Variants in RFC5 observed in about 807,000 individuals in gnomAD.
RFC5 encodes replication factor C subunit 5, also known as A1 36 kDa subunit.
A neutral mutation model predicts 44.3 loss-of-function variants in RFC5; 26 were observed. The observed-to-expected ratio is 0.59, with a 90% confidence interval of 0.43 to 0.81. The LOEUF (loss-of-function observed/expected upper bound fraction) is 0.81. Among genes scored for constraint, RFC5 ranks in the 40% least tolerant of loss-of-function variants. RFC5 has a pLI of 0.00. For synonymous variants in RFC5, 155 were observed against 155.2 expected (o/e 1.00, Z 0.01); for missense variants, 328 against 418.6 (o/e 0.78, Z 1.89).
In RFC5 at chr12:118,019,005, G is replaced by A; in HGVS notation, c.66-67G>A. ...TGAGCCACTGTGCCTGACCTGCAAG[G>A]ATTCTTTTGCACATAAAATATTCTT... On this transcript the variant is annotated intron_variant, in intron 1 of 10. Transcript: ENST00000454402. The surrounding 1 kb of genome is among the most constrained non-coding windows in gnomAD (Gnocchi z 4.2). 8.1e-7 allele frequency: 1 copy of A among 1,231,868 alleles called. No homozygotes were observed. Among genetic ancestry groups the A allele is most frequent in the Admixed American group, 1.7e-5 (1 of 59,014 alleles). The allele number at this position is 1,231,868 out of a possible 1,614,324, so 76.3% of individuals were successfully genotyped here.
chr12:118,038,460 G>A, the RFC5 span: 1 of 1,459,950 alleles, frequency 6.8e-7, no homozygotes, highest in Non-Finnish European at 9.5e-7. Context: ...GGGAGAACTG[G>A]GGTGGTAACA....
chr12:118,022,378 G>A lies in RFC5; in HGVS notation c.421+19G>A. 6.4e-7 allele frequency: 1 copy of A among 1,571,600 alleles called. No individual in the cohort carries two copies. ...AGAAGAGGTAAGCAGAGGCACTGTG[G>A]AGCGTTTGGGCTGGTGTGCACACTG... is the stretch of plus-strand genomic sequence containing the variant. On this transcript the variant is annotated intron_variant, in intron 5 of 10. Transcript: ENST00000454402.
At chr12:118,029,347 G>T (rs561262956) in intron 9 of RFC5, among the ~76,000 whole-genome samples, 15 of 152,292 alleles carry the variant, frequency 9.8e-5, no homozygotes, top group African/African-American at 3.6e-4. Flanking sequence ...AAGCCCAAGA[G>T]GTCAAGGCTG....
At chr12:118,024,332 C>T (rs1028774465) in intron 5 of RFC5, among the ~76,000 whole-genome samples, 4 of 148,572 alleles carry the variant, frequency 2.7e-5, no homozygotes, top group African/African-American at 9.9e-5. Context: ...CAGAGCGAGA[C>T]TCTGTTTCAA....
chr12:118,023,751 T>C, intron 5 of RFC5, among the ~76,000 whole-genome samples: 1 of 150,482 alleles, frequency 6.6e-6, no homozygotes, highest in African/African-American at 2.4e-5. Flanking sequence ...CCGCCCTCCC[T>C]GCCCATAGAA....
At chr12:118,036,295 C>T, downstream of RFC5, 1 of 1,591,052 alleles carries the variant, frequency 6.3e-7, no homozygotes, top group Non-Finnish European at 8.6e-7. Flanking sequence ...GGTTCCTCAT[C>T]AGTCCCCCCA....
At chr12:118,022,199 G>A (rs1172446395) in intron 4 of RFC5, 87 bp from the exon 5 acceptor site, 7 of 1,071,386 alleles carry the variant, frequency 6.5e-6, no homozygotes, top group East Asian at 2.4e-5. Context: ...GACAGGGCCC[G>A]ATGGCACAAT....
At chr12:118,038,335 T>C in the RFC5 span, 3 of 1,613,940 alleles carry the variant, frequency 1.9e-6, no homozygotes, top group South Asian at 2.2e-5. Flanking sequence ...TCTGGGGAGA[T>C]GGAACAGCAG....
rs563284021 is a variant in RFC5 at position 118,021,640 on chromosome 12, T to TA, written c.348-633dup. On this transcript the variant is annotated intron_variant, in intron 4 of 10. Coordinates refer to ENST00000454402, the MANE Select transcript of RFC5 (RefSeq NM_007370.7). ...CAGGAAGGACAACTAGGATGGTGGCTAAAAAAAAAAAAAGAAAGAAAGAAA... is the reference window on the plus strand; with the variant it reads ...CAGGAAGGACAACTAGGATGGTGGCTAAAAAAAAAAAAAAGAAAGAAAGAAA... Among the ~76,000 whole-genome samples the TA allele has an allele frequency of 3.1e-3, 418 of 133,532 alleles. 3 individuals carry two copies. Among genetic ancestry groups the TA allele is most frequent in the African/African-American group, 9.8e-3 (353 of 36,166 alleles). 87.6% of individuals were successfully genotyped at this position (133,532 alleles called of 152,430 possible). A position where few individuals can be genotyped will look rare whatever the true frequency, so the allele number is the denominator to read the frequency against.
chr12:118,031,103 C>T, intron 10 of RFC5, 79 bp from the exon 11 acceptor site: 1 of 953,334 alleles, frequency 1.0e-6, no homozygotes, highest in South Asian at 1.4e-5. Context: ...AGATTTTCAG[C>T]CCTAGATCTC....
At position 118,019,604 on chromosome 12, in the gene RFC5, G is replaced by A; in HGVS notation, c.131-28G>A. 1 of 1,613,700 alleles carries A rather than the reference G, an allele frequency of 6.2e-7. No homozygotes were observed. Among genetic ancestry groups the A allele is most frequent in the South Asian group, 1.1e-5 (1 of 91,062 alleles). On this transcript the variant is annotated intron_variant, in intron 2 of 10. Transcript: ENST00000454402. The surrounding 1 kb of genome is among the most constrained non-coding windows in gnomAD (Gnocchi z 4.2). Reference sequence around the variant, plus strand: ...AATGAGGCAGCTCCCAAAGACTGATGGTGCCCTTCTTCCTTCCTGATCCTC... The same window carrying A: ...AATGAGGCAGCTCCCAAAGACTGATAGTGCCCTTCTTCCTTCCTGATCCTC...
intron 4 of RFC5, 40 bp from the exon 5 acceptor site, chr12:118,022,246 G>T: frequency 6.7e-7 from 1 of 1,502,122 alleles, no homozygotes; most frequent in Non-Finnish European, 9.3e-7. Context: ...GTTGAGATGA[G>T]ATTGAAGAAA....
chr12:118,021,833 T>C (rs2030516742), intron 4 of RFC5, among the ~76,000 whole-genome samples: 1 of 151,906 alleles, frequency 6.6e-6, no homozygotes, highest in Non-Finnish European at 1.5e-5. Context: ...GGTGGGCGCC[T>C]GTAATCCCAG....
At chr12:118,039,134 T>C in the RFC5 span, among the ~76,000 whole-genome samples, 1 of 152,164 alleles carries the variant, frequency 6.6e-6, no homozygotes, top group Non-Finnish European at 1.5e-5. Flanking sequence ...CTCCAGACTG[T>C]CACCCTCCCA....
chr12:118,032,714 T>A (rs2031389441), downstream of RFC5: 1 of 150,696 alleles, frequency 6.6e-6, no homozygotes, highest in African/African-American at 2.5e-5. Flanking sequence ...TTATTTATTT[T>A]TTAAATAAAG....
At chr12:118,024,144 A>C (rs149772393) in intron 5 of RFC5, among the ~76,000 whole-genome samples, 5,343 of 152,098 alleles carry the variant, frequency 0.035, 309 homozygotes, top group African/African-American at 0.12. Context: ...GATCGAGACC[A>C]TCCTGGCTAA....
At position 118,027,998 on chromosome 12, in the gene RFC5, T is replaced by C; in HGVS notation, c.839T>C (p.Ile280Thr). Reference protein sequence around the residue: ...KTLKGLALHDILTEIHLFVHR... With the variant: ...KTLKGLALHDTLTEIHLFVHR... The stretch of plus-strand genomic sequence containing the variant: ...CTGAAGGGGTTGGCACTGCATGATA[T>C]CCTGACAGAGATACACTTGTTTGTG... Residue 280 changes from isoleucine to threonine, a missense_variant, in exon 9 of 11, where the codon ATC becomes ACC. Transcript: ENST00000454402. 6.2e-7 allele frequency: 1 copy of C among 1,610,722 alleles called. No individual in the cohort carries two copies. The highest frequency in any genetic ancestry group is 8.5e-7 in the Non-Finnish European group (1 of 1,177,208).
chr12:118,034,116 A>ATGTT, downstream of RFC5: 4 of 1,558,434 alleles, frequency 2.6e-6, no homozygotes, highest in Non-Finnish European at 2.6e-6. Context: ...GCAAGACCAG[A>ATGTT]TGTTTGGCCC....
chr12:118,038,439 G>T, the RFC5 span: 1 of 1,573,402 alleles, frequency 6.4e-7, no homozygotes, highest in South Asian at 1.1e-5. Context: ...AAAGCAGGAA[G>T]ACTGGAGAAC....
Sources: allele counts gnomAD v4.1 joint callset (sites outside exome capture counted in the v4.1 genomes callset), GRCh38; gene constraint gnomAD v4.1.1; non-coding constraint Gnocchi (gnomAD v3.1); transcripts MANE v1.5; gene names NCBI Gene and HGNC (gene_info 2026-07-23, HGNC 2026-07-21).